Variants in NPAS3 observed in about 807,000 individuals in gnomAD.
NPAS3 encodes neuronal PAS domain protein 3.
A neutral mutation model predicts 73.1 loss-of-function variants in NPAS3; 14 were observed. That is an observed-to-expected ratio of 0.19 (90% confidence interval 0.13 to 0.30). The LOEUF (loss-of-function observed/expected upper bound fraction) is 0.30. Among genes scored for constraint, NPAS3 ranks in the 10% least tolerant of loss-of-function variants. The pLI is 1.00. For missense variants in NPAS3, 1,096 were observed against 1,250.0 expected, an observed-to-expected ratio of 0.88 and a Z score of 1.86; for synonymous variants, 620 against 541.5, an observed-to-expected ratio of 1.14 and a Z score of -2.01.
At chr14:33,520,173 C>T (rs1775209638) in intron 4 of NPAS3, among the ~76,000 whole-genome samples, 1 of 152,084 alleles carries the variant, frequency 6.6e-6, no homozygotes, top group Non-Finnish European at 1.5e-5. Context: ...TCTGAGCTAC[C>T]ACAGTACAAA....
At chr14:33,400,660 C>G (rs2047407308) in intron 4 of NPAS3, among the ~76,000 whole-genome samples, 1 of 152,072 alleles carries the variant, frequency 6.6e-6, no homozygotes, top group African/African-American at 2.4e-5. Context: ...AATGAGAAGA[C>G]AGTCAGTCCA....
At chr14:33,327,333 G>A (rs1178602773) in intron 3 of NPAS3, among the ~76,000 whole-genome samples, 2 of 152,184 alleles carry the variant, frequency 1.3e-5, no homozygotes, top group East Asian at 3.9e-4. Context: ...TCAACACGAG[G>A]AAGTAAGAAT....
intron 1 of NPAS3, among the ~76,000 whole-genome samples, chr14:32,943,483 C>G (rs573552486): frequency 1.5e-4 from 23 of 152,252 alleles, no homozygotes; most frequent in African/African-American, 4.8e-4. Flanking sequence ...TACTCCTCTT[C>G]CCTGCCCCAG....
intron 1 of NPAS3, among the ~76,000 whole-genome samples, chr14:33,028,818 T>A (rs548433567): frequency 1.4e-4 from 22 of 152,298 alleles, no homozygotes; most frequent in African/African-American, 4.3e-4. Context: ...TATATGTATA[T>A]ATTTTTTAGA....
At chr14:33,728,664 A>G (rs1393371248) in intron 6 of NPAS3, among the ~76,000 whole-genome samples, 1 of 152,188 alleles carries the variant, frequency 6.6e-6, no homozygotes, top group Non-Finnish European at 1.5e-5. Context: ...AAAAGCCGTT[A>G]CCCGCTTCAG....
At chr14:33,504,596 A>C (rs1001390515) in intron 4 of NPAS3, among the ~76,000 whole-genome samples, 10 of 152,038 alleles carry the variant, frequency 6.6e-5, no homozygotes, top group African/African-American at 2.4e-4. Context: ...GTTAAACTTA[A>C]GTAGAAGATT....
At chr14:33,485,785 C>T (rs1403612117) in intron 4 of NPAS3, among the ~76,000 whole-genome samples, 1 of 152,078 alleles carries the variant, frequency 6.6e-6, no homozygotes, top group African/African-American at 2.4e-5. Flanking sequence ...TCCTTGGTTT[C>T]TTCTCTCCCC....
chr14:33,780,943 T>C (rs1353804000), intron 9 of NPAS3: 1 of 221,604 alleles, frequency 4.5e-6, no homozygotes, highest in Non-Finnish European at 9.0e-6. Context: ...TAACAATGAT[T>C]GGGTTCATTC....
At chr14:33,102,690 T>A (rs1284969115) in intron 2 of NPAS3, among the ~76,000 whole-genome samples, 1 of 152,024 alleles carries the variant, frequency 6.6e-6, no homozygotes, top group African/African-American at 2.4e-5. Flanking sequence ...CCAGCATAGC[T>A]AGGAATGGGA....
At chr14:33,222,621 C>G (rs150197511) in intron 3 of NPAS3, among the ~76,000 whole-genome samples, 1 of 152,180 alleles carries the variant, frequency 6.6e-6, no homozygotes, top group Non-Finnish European at 1.5e-5. Context: ...TGTATTGAGA[C>G]TATGAGCTTA....
intron 8 of NPAS3, 52 bp downstream of exon 8, chr14:33,774,582 G>C: frequency 6.8e-7 from 1 of 1,470,626 alleles, no homozygotes; most frequent in Non-Finnish European, 9.5e-7. Context: ...CATTGGTGAG[G>C]GTTGTGTTTC....
chr14:33,633,346 G>C (rs1715557495), intron 5 of NPAS3, among the ~76,000 whole-genome samples: 1 of 152,066 alleles, frequency 6.6e-6, no homozygotes, highest in Non-Finnish European at 1.5e-5. Context: ...AAAGCACCTA[G>C]GATTATGTGT....
chr14:33,477,635 T>C lies in NPAS3; in HGVS notation c.469-82486T>C, dbSNP rs1430551092. Among the ~76,000 whole-genome samples the C allele has an allele frequency of 1.3e-5, 2 of 152,196 alleles. 1 individual carries two copies. The highest frequency in any genetic ancestry group is 2.9e-5 in the Non-Finnish European group (2 of 68,042). On this transcript the variant is annotated intron_variant, in intron 4 of 11. Transcript: ENST00000356141. ...TTCTGGACTTAGGTTTCCCTGCTAG[T>C]TCTGATTAAACACTTCGGATCCAAA...
chr14:32,960,000 G>A (rs2036842285), intron 1 of NPAS3, among the ~76,000 whole-genome samples: 1 of 138,786 alleles, frequency 7.2e-6, no homozygotes, highest in South Asian at 2.3e-4. Flanking sequence ...TTTTTTTGGT[G>A]AGTAATGAGT....
chr14:32,985,716 T>C (rs1272702413), intron 1 of NPAS3, among the ~76,000 whole-genome samples: 3 of 152,016 alleles, frequency 2.0e-5, no homozygotes, highest in African/African-American at 4.8e-5. Flanking sequence ...TTCAGGCCTG[T>C]AGGAGTGCAA....
intron 2 of NPAS3, among the ~76,000 whole-genome samples, chr14:33,201,012 A>G (rs2139587826): frequency 6.6e-6 from 1 of 152,336 alleles, no homozygotes; most frequent in African/African-American, 2.4e-5. Flanking sequence ...AACGAATAAA[A>G]ACCAACCAAA....
At chr14:33,188,266 G>C (rs2046050219) in intron 2 of NPAS3, among the ~76,000 whole-genome samples, 1 of 152,142 alleles carries the variant, frequency 6.6e-6, no homozygotes, top group African/African-American at 2.4e-5. Context: ...CTTTAATGCT[G>C]TCTCTTCCAC....
At chr14:33,096,653 T>C (rs1237774794) in intron 2 of NPAS3, among the ~76,000 whole-genome samples, 1 of 152,190 alleles carries the variant, frequency 6.6e-6, no homozygotes, top group African/African-American at 2.4e-5. Context: ...ATGATTAAAT[T>C]ATTTTGCTTC....
At chr14:33,590,505 A>G (rs1465288902) in intron 5 of NPAS3, among the ~76,000 whole-genome samples, 3 of 152,160 alleles carry the variant, frequency 2.0e-5, no homozygotes, top group African/African-American at 7.2e-5. Flanking sequence ...TCAGAGAAGG[A>G]TAATAAAGGT....
Sources: gnomAD v4.1 joint callset for allele counts (sites outside exome capture counted in the v4.1 genomes callset) on GRCh38, gnomAD v4.1.1 for gene constraint, MANE v1.5 for transcripts, NCBI Gene and HGNC (gene_info 2026-07-23, HGNC 2026-07-21) for gene names.